The following TTC28 variants were observed in gnomAD, a reference collection of about 807,000 sequenced individuals.
TTC28 encodes tetratricopeptide repeat domain 28.
A neutral mutation model predicts 198.0 loss-of-function variants in TTC28; 61 were observed. The observed-to-expected ratio is 0.31, with a 90% confidence interval of 0.25 to 0.38. The LOEUF is 0.38. Ranked by LOEUF, TTC28 falls within the 10% of genes least tolerant of loss-of-function variation. The pLI is 1.00. For synonymous variants in TTC28, 1,171 were observed against 1,297.8 expected (o/e 0.90, Z 2.10); for missense variants, 2,678 against 3,164.0 (o/e 0.85, Z 3.69).
chr22:28,493,875 G>A (rs1305339804), intron 2 of TTC28, among the ~76,000 whole-genome samples: 1 of 152,174 alleles, frequency 6.6e-6, no homozygotes, highest in African/African-American at 2.4e-5. Flanking sequence ...CATTGGTCCT[G>A]TCTCTTCAAC....
At chr22:28,056,768 G>A (rs1203882852) in intron 12 of TTC28, among the ~76,000 whole-genome samples, 3 of 152,172 alleles carry the variant, frequency 2.0e-5, no homozygotes, top group Non-Finnish European at 4.4e-5. Context: ...TTTCATCCCA[G>A]AAAGTTCCTT....
intron 5 of TTC28, among the ~76,000 whole-genome samples, chr22:28,193,809 G>C (rs951958453): frequency 2.0e-5 from 3 of 152,110 alleles, no homozygotes; most frequent in African/African-American, 7.2e-5. Context: ...GACCTACCAA[G>C]AGACTTAGAC....
intron 5 of TTC28, among the ~76,000 whole-genome samples, chr22:28,230,758 G>C (rs984433311): frequency 1.3e-5 from 2 of 151,092 alleles, no homozygotes; most frequent in Admixed American, 6.6e-5. Context: ...AATTTTTTCT[G>C]TATGGGCAGA....
chr22:28,056,613 TATG>T (rs1940300686), intron 12 of TTC28, among the ~76,000 whole-genome samples: 1 of 151,566 alleles, frequency 6.6e-6, no homozygotes, highest in Non-Finnish European at 1.5e-5. Context: ...ATAATACATT[TATG>T]GTTTTTAATA....
chr22:28,581,815 C>T (rs910946814), intron 2 of TTC28, among the ~76,000 whole-genome samples: 13 of 152,100 alleles, frequency 8.5e-5, no homozygotes, highest in African/African-American at 2.9e-4. Flanking sequence ...ATCTATGTTA[C>T]TTGGCATAAT....
intron 2 of TTC28, among the ~76,000 whole-genome samples, chr22:28,451,786 C>T (rs990339146): frequency 1.3e-5 from 2 of 151,966 alleles, no homozygotes; most frequent in African/African-American, 4.8e-5. Flanking sequence ...GATTGTAATA[C>T]CTTTGGCTAC....
At chr22:28,093,125 C>T (rs1379052161) in intron 12 of TTC28, among the ~76,000 whole-genome samples, 2 of 152,162 alleles carry the variant, frequency 1.3e-5, no homozygotes, top group African/African-American at 4.8e-5. Flanking sequence ...ACTACAGCCC[C>T]TTCCAATATT....
chr22:28,420,683 T>C (rs1824450170), intron 2 of TTC28, among the ~76,000 whole-genome samples: 1 of 151,252 alleles, frequency 6.6e-6, no homozygotes, highest in African/African-American at 2.4e-5. Context: ...CACTGCAACC[T>C]CCACCTCCTG....
intron 5 of TTC28, among the ~76,000 whole-genome samples, chr22:28,279,691 C>G (rs1046990776): frequency 6.6e-6 from 1 of 152,088 alleles, no homozygotes; most frequent in African/African-American, 2.4e-5. Context: ...TTTTGACACA[C>G]ACATACACCT....
At chr22:28,070,040 A>G (rs1434954113) in intron 12 of TTC28, among the ~76,000 whole-genome samples, 12 of 152,296 alleles carry the variant, frequency 7.9e-5, no homozygotes, top group African/African-American at 2.6e-4. Context: ...TCCTTTGGAA[A>G]TAAATTTTTT....
chr22:28,206,516 G>A (rs1377851878), intron 5 of TTC28, among the ~76,000 whole-genome samples: 2 of 152,150 alleles, frequency 1.3e-5, no homozygotes, highest in South Asian at 4.1e-4. Context: ...TTATCACGTT[G>A]CTCAGACATT....
rs117786444 is a variant in TTC28, at chr22:28,273,308, T to C, written c.933+22890A>G. Reference sequence around the variant, plus strand: ...ACAATAATAGGATTAAGAGAAGAAATAGAAAATATAAATGAACCCACAAAT... The same window carrying C: ...ACAATAATAGGATTAAGAGAAGAAACAGAAAATATAAATGAACCCACAAAT... On this transcript the variant is annotated intron_variant, in intron 5 of 22. Coordinates refer to ENST00000397906, the MANE Select transcript of TTC28 (RefSeq NM_001145418.2). 6.6e-3 allele frequency among the ~76,000 whole-genome samples: 1,002 copies of C among 151,886 alleles called. 6 individuals carry two copies. Among genetic ancestry groups the C allele is most frequent in the Middle Eastern group, 0.014 (4 of 294 alleles).
At chr22:28,401,570 G>A (rs899511474) in intron 2 of TTC28, among the ~76,000 whole-genome samples, 3 of 151,952 alleles carry the variant, frequency 2.0e-5, no homozygotes, top group Admixed American at 6.6e-5. Flanking sequence ...AGCTGAGATC[G>A]CACCACTGTA....
intron 14 of TTC28, chr22:28,008,261 C>T (rs1264034072): frequency 1.3e-5 from 2 of 151,918 alleles, no homozygotes; most frequent in African/African-American, 4.8e-5. Flanking sequence ...CATGACCCAA[C>T]CAAGGCCAAG....
At chr22:28,673,743 T>C (rs1282623055) in intron 1 of TTC28, among the ~76,000 whole-genome samples, 1 of 152,196 alleles carries the variant, frequency 6.6e-6, no homozygotes, top group Non-Finnish European at 1.5e-5. Context: ...GATAATACAG[T>C]GTGAATATAC....
In TTC28 at chr22:28,163,579, G is replaced by A; in HGVS notation, c.954C>T (p.Ser318=). The A allele has an allele frequency of 6.5e-7, 1 of 1,540,532 alleles. No homozygotes were observed. Among genetic ancestry groups the A allele is most frequent in the Non-Finnish European group, 8.8e-7 (1 of 1,141,052 alleles). Residue 318 remains serine, a synonymous_variant, in exon 6 of 23, where the codon AGC becomes AGT. Transcript: ENST00000397906. The part of the protein sequence containing the change: ...KDREAASSAL[S]SLGHVYTAIG... ...TGGCTGTGTACACGTGGCCCAGACT[G>A]CTCAAGGCTGATGAAGCTGCCTGGA...
intron 2 of TTC28, among the ~76,000 whole-genome samples, chr22:28,628,616 C>T (rs2051115833): frequency 6.6e-6 from 1 of 152,112 alleles, no homozygotes; most frequent in African/African-American, 2.4e-5. Flanking sequence ...CCTCTCCTAT[C>T]CCCCACCCTC....
chr22:28,139,697 G>C (rs1943283343), intron 6 of TTC28, among the ~76,000 whole-genome samples: 1 of 150,284 alleles, frequency 6.7e-6, no homozygotes, highest in East Asian at 1.9e-4. Flanking sequence ...TCTCTGAGCT[G>C]AAGTTCCTTT....
At chr22:28,168,608 T>C (rs559912061) in intron 5 of TTC28, among the ~76,000 whole-genome samples, 250 of 152,274 alleles carry the variant, frequency 1.6e-3, no homozygotes, top group African/African-American at 5.6e-3. Context: ...CTGGGAAAAC[T>C]GGCTAGCCAT....
Sources: allele counts gnomAD v4.1 joint callset (sites outside exome capture counted in the v4.1 genomes callset), GRCh38; gene constraint gnomAD v4.1.1; transcripts MANE v1.5; gene names NCBI Gene and HGNC (gene_info 2026-07-23, HGNC 2026-07-21).